The following SMOC1 variants were observed in gnomAD, a reference collection of about 807,000 sequenced individuals.
SMOC1 encodes the protein SPARC related modular calcium binding 1.
Under a neutral mutation model 56.3 loss-of-function variants are expected in SMOC1, and 22 were observed. The observed-to-expected ratio is 0.39, with a 90% CI of 0.28 to 0.56. The LOEUF is 0.56. Ranked by LOEUF, SMOC1 falls within the 20% of genes least tolerant of loss-of-function variation. The pLI, the probability that SMOC1 is intolerant of heterozygous loss-of-function variation, is 0.61. For synonymous variants in SMOC1, 193 were observed against 215.0 expected (o/e 0.90, Z 0.89); for missense variants, 509 against 565.4 (o/e 0.90, Z 1.01).
intron 1 of SMOC1, among the ~76,000 whole-genome samples, chr14:69,936,005 G>A (rs8016072): frequency 6.6e-6 from 1 of 152,034 alleles, no homozygotes; most frequent in Non-Finnish European, 1.5e-5. Context: ...TGTCCTAAGG[G>A]CATCTTTCAG....
chr14:69,904,748 G>T (rs1594794850), intron 1 of SMOC1, among the ~76,000 whole-genome samples: 2 of 152,214 alleles, frequency 1.3e-5, no homozygotes, highest in South Asian at 4.1e-4. Context: ...TCATCATGGA[G>T]CCTGTCTGAA....
At chr14:69,943,253 A>T (rs1232159183) in intron 1 of SMOC1, among the ~76,000 whole-genome samples, 1 of 152,190 alleles carries the variant, frequency 6.6e-6, no homozygotes, top group Non-Finnish European at 1.5e-5. Flanking sequence ...GAGGAAGAGC[A>T]GATGCTGCTG....
intron 11 of SMOC1, among the ~76,000 whole-genome samples, chr14:70,023,668 T>C (rs966996421): frequency 6.6e-6 from 1 of 152,192 alleles, no homozygotes; most frequent in African/African-American, 2.4e-5. Flanking sequence ...AGCACTCACA[T>C]GAGCTGTGAT....
intron 1 of SMOC1, among the ~76,000 whole-genome samples, chr14:69,903,506 G>T (rs926127333): frequency 9.2e-5 from 14 of 152,218 alleles, no homozygotes; most frequent in Non-Finnish European, 4.4e-5. Flanking sequence ...GATTGTTGCT[G>T]TGTCTGTGTA....
At chr14:70,011,080 A>G in intron 8 of SMOC1, 134 bp downstream of exon 8, 1 of 990,424 alleles carries the variant, frequency 1.0e-6, no homozygotes, top group Admixed American at 2.0e-5. Context: ...TGAGTAGAAG[A>G]GTTTCAGGTA....
intron 7 of SMOC1, among the ~76,000 whole-genome samples, chr14:70,010,250 G>A (rs1486990276): frequency 2.6e-5 from 4 of 152,312 alleles, no homozygotes; most frequent in South Asian, 2.1e-4. Flanking sequence ...CCTGGGTGCC[G>A]AGCATCACTC....
chr14:69,953,665 C>T, intron 3 of SMOC1, 133 bp downstream of exon 3: 1 of 762,262 alleles, frequency 1.3e-6, no homozygotes, highest in Non-Finnish European at 2.3e-6. Context: ...CAACTCCCCT[C>T]TGTGCTGCCT....
intron 3 of SMOC1, among the ~76,000 whole-genome samples, chr14:69,957,465 G>A (rs1326626923): frequency 6.6e-6 from 1 of 152,166 alleles, no homozygotes; most frequent in Non-Finnish European, 1.5e-5. Context: ...AATATTGAGA[G>A]CCTAAGACAA....
intron 1 of SMOC1, among the ~76,000 whole-genome samples, chr14:69,934,374 C>T (rs1885245010): frequency 6.6e-6 from 1 of 152,154 alleles, no homozygotes. Context: ...TGAGGACAGC[C>T]CCTTCCCCCA....
At chr14:70,011,932 G>A (rs1885356111) in intron 9 of SMOC1, among the ~76,000 whole-genome samples, 1 of 152,192 alleles carries the variant, frequency 6.6e-6, no homozygotes, top group Admixed American at 6.5e-5. Flanking sequence ...TGAGCGATGT[G>A]GACAGTGTCT....
chr14:69,964,433 A>T (rs1374925970), intron 3 of SMOC1, among the ~76,000 whole-genome samples: 1 of 147,018 alleles, frequency 6.8e-6, no homozygotes, highest in Admixed American at 6.8e-5. Flanking sequence ...GCTGGAGTGT[A>T]GTGGCGCGAT....
intron 7 of SMOC1, among the ~76,000 whole-genome samples, chr14:70,006,774 T>C (rs1037104073): frequency 6.6e-6 from 1 of 152,192 alleles, no homozygotes; most frequent in Admixed American, 6.5e-5. Context: ...CATCTGCAGT[T>C]GGTACTCGCT....
intron 3 of SMOC1, 133 bp from the exon 4 acceptor site, chr14:69,975,582 G>GAGACAGATGT: frequency 1.3e-6 from 1 of 742,054 alleles, no homozygotes; most frequent in East Asian, 2.6e-5. Flanking sequence ...AGACACTCTG[G>GAGACAGATGT]AGACAGATGT....
chr14:69,966,452 G>A (rs930237124), intron 3 of SMOC1, among the ~76,000 whole-genome samples: 1 of 152,114 alleles, frequency 6.6e-6, no homozygotes, highest in Non-Finnish European at 1.5e-5. Flanking sequence ...TGACAATTAG[G>A]TACTAGTTTA....
chr14:69,999,307 C>T (rs1449712116), intron 7 of SMOC1, among the ~76,000 whole-genome samples: 1 of 152,150 alleles, frequency 6.6e-6, no homozygotes, highest in Admixed American at 6.5e-5. Flanking sequence ...GCAACTGCAC[C>T]TCCTGGCTGG....
At chr14:70,024,460 A>G (rs1349056110) in intron 11 of SMOC1, among the ~76,000 whole-genome samples, 2 of 152,146 alleles carry the variant, frequency 1.3e-5, no homozygotes, top group Admixed American at 6.5e-5. Context: ...AGAAGAATAT[A>G]TAAGAGGGAC....
intron 3 of SMOC1, among the ~76,000 whole-genome samples, chr14:69,962,168 T>C (rs979729368): frequency 6.6e-6 from 1 of 152,180 alleles, no homozygotes; most frequent in African/African-American, 2.4e-5. Context: ...TCTCTCTTTT[T>C]TTTTTATTTG....
At chr14:69,926,858 G>C (rs559622947) in intron 1 of SMOC1, among the ~76,000 whole-genome samples, 2 of 152,302 alleles carry the variant, frequency 1.3e-5, no homozygotes, top group East Asian at 3.9e-4. Flanking sequence ...TGGTGACCTT[G>C]AGGAAGTCAC....
chr14:69,998,025 C>T (rs1884832957), intron 7 of SMOC1, among the ~76,000 whole-genome samples: 1 of 152,100 alleles, frequency 6.6e-6, no homozygotes, highest in South Asian at 2.1e-4. Flanking sequence ...GTTTTCTGGC[C>T]TGGGGATTGT....
Sources: gnomAD v4.1 joint callset for allele counts (sites outside exome capture counted in the v4.1 genomes callset) on GRCh38, gnomAD v4.1.1 for gene constraint, MANE v1.5 for transcripts, NCBI Gene and HGNC (gene_info 2026-07-23, HGNC 2026-07-21) for gene names.